Variants in ADCY2 observed in about 807,000 individuals in gnomAD.
ADCY2 encodes adenylate cyclase type 2.
A neutral mutation model predicts 125.2 loss-of-function variants in ADCY2; 31 were observed. The ratio of observed to expected loss-of-function variants is 0.25; its 90% CI spans 0.19 to 0.33. The LOEUF is 0.33. ADCY2 is among the 10% of genes least tolerant of loss of function. The pLI, the probability that ADCY2 is intolerant of heterozygous loss-of-function variation, is 1.00. For missense variants in ADCY2, 904 were observed against 1,418.2 expected, an observed-to-expected ratio of 0.64 and a Z score of 5.82; for synonymous variants, 512 against 548.4, an observed-to-expected ratio of 0.93 and a Z score of 0.93.
intron 4 of ADCY2, 142 bp downstream of exon 4, chr5:7,626,458 T>G (rs1044065885): frequency 1.1e-6 from 1 of 916,610 alleles, no homozygotes; most frequent in African/African-American, 1.7e-5. Context: ...ACCTGGGGAG[T>G]GTCTTAGTCT....
At chr5:7,498,387 T>A (rs1038145996) in intron 2 of ADCY2, among the ~76,000 whole-genome samples, 16 of 151,732 alleles carry the variant, frequency 1.1e-4, no homozygotes, top group Non-Finnish European at 4.4e-5. Flanking sequence ...TAGCTGGGAC[T>A]ACAGGCGCCC....
In ADCY2 at chr5:7,826,700, G is replaced by A. The variant is rs371389555; in HGVS notation, c.3124-19G>A. On this transcript the variant is annotated intron_variant, in intron 24 of 24. Coordinates refer to ENST00000338316, the MANE Select transcript of ADCY2 (RefSeq NM_020546.3). ...ATGTATGTACTAAGCCCGTTTTCCC[G>A]TGTTCCTGTGCCTTCTAGGTTACCG... is the stretch of plus-strand genomic sequence containing the variant. The A allele has an allele frequency of 1.9e-5, 31 of 1,613,580 alleles. No homozygotes were observed. The highest frequency in any genetic ancestry group is 6.7e-5 in the African/African-American group (5 of 74,820).
chr5:7,668,173 T>G (rs905754192), intron 4 of ADCY2, among the ~76,000 whole-genome samples: 1 of 152,236 alleles, frequency 6.6e-6, no homozygotes, highest in Non-Finnish European at 1.5e-5. Context: ...GGTCAAAGAC[T>G]AGATGTTTTT....
chr5:7,447,887 G>A (rs1245373446), intron 2 of ADCY2, among the ~76,000 whole-genome samples: 1 of 152,196 alleles, frequency 6.6e-6, no homozygotes, highest in Non-Finnish European at 1.5e-5. Flanking sequence ...GGGCTTACAA[G>A]GAGCAGGACC....
Position 7,816,853 on chromosome 5 carries a change from T to C in ADCY2, c.2884-13T>C, listed in dbSNP as rs773308255. 1.4e-5 allele frequency: 23 copies of C among 1,609,754 alleles called. No individual in the cohort carries two copies. The South Asian group carries it at 2.5e-4, about 18-fold the overall frequency. On this transcript the variant is annotated splice_polypyrimidine_tract_variant and intron_variant, in intron 22 of 24. Coordinates refer to ENST00000338316, the MANE Select transcript of ADCY2 (RefSeq NM_020546.3). Reference sequence around the variant, plus strand: ...GCTCTAACTTCCATCTGCCTGTGTGTGTTTGTTCTCAGGAGCCCGAGCGGC... The same window carrying C: ...GCTCTAACTTCCATCTGCCTGTGTGCGTTTGTTCTCAGGAGCCCGAGCGGC...
At chr5:7,634,253 G>A (rs963965645) in intron 4 of ADCY2, among the ~76,000 whole-genome samples, 2 of 152,206 alleles carry the variant, frequency 1.3e-5, no homozygotes, top group Non-Finnish European at 2.9e-5. Flanking sequence ...CACTAGTGAT[G>A]TGTTTACTGA....
At chr5:7,628,822 T>A (rs1035904) in intron 4 of ADCY2, among the ~76,000 whole-genome samples, 19,323 of 140,016 alleles carry the variant, frequency 0.14, 1,705 homozygotes, top group East Asian at 0.44. Flanking sequence ...TATCTTGGTT[T>A]AAAAAAAAAA....
intron 15 of ADCY2, chr5:7,746,164 C>G (rs1742617681): frequency 6.6e-6 from 1 of 152,420 alleles, no homozygotes; most frequent in Non-Finnish European, 1.5e-5. Flanking sequence ...CGTGGTATCA[C>G]AAAGGGAAGA....
chr5:7,583,564 T>A (rs747822793), intron 3 of ADCY2, among the ~76,000 whole-genome samples: 2 of 152,006 alleles, frequency 1.3e-5, no homozygotes, highest in Non-Finnish European at 2.9e-5. Context: ...GAGATAACAC[T>A]ACCCATATAT....
chr5:7,561,707 C>T (rs1735713298), intron 3 of ADCY2, among the ~76,000 whole-genome samples: 1 of 152,188 alleles, frequency 6.6e-6, no homozygotes, highest in African/African-American at 2.4e-5. Flanking sequence ...TTAGCTATTA[C>T]ACAAGTTATA....
chr5:7,709,079 A>G lies in ADCY2; in HGVS notation c.1402-132A>G. ...TGTTCCCCAGTAACACTGAAGGAAT[A>G]AGGACAGAAAACACAGAGGGCGAAT... On this transcript the variant is annotated intron_variant, in intron 9 of 24. Transcript: ENST00000338316. This position sits in a 1 kb window ranked among gnomAD's most constrained non-coding sequence, Gnocchi z 4.4. 1.2e-6 allele frequency: 1 copy of G among 853,994 alleles called. No homozygotes were observed. Among genetic ancestry groups the G allele is most frequent in the South Asian group, 4.0e-5 (1 of 24,906 alleles). The allele number at this position is 853,994 out of a possible 1,614,324, so 52.9% of individuals were successfully genotyped here.
intron 2 of ADCY2, among the ~76,000 whole-genome samples, chr5:7,509,661 C>T (rs1743983216): frequency 6.6e-6 from 1 of 152,144 alleles, no homozygotes; most frequent in Non-Finnish European, 1.5e-5. Flanking sequence ...CTTTTGAAGC[C>T]CTGGCTTTCC....
intron 3 of ADCY2, among the ~76,000 whole-genome samples, chr5:7,547,507 C>T (rs908951666): frequency 1.3e-5 from 2 of 152,122 alleles, no homozygotes; most frequent in African/African-American, 2.4e-5. Context: ...TCCGGGGAGA[C>T]CAGGACCTGC....
Position 7,776,354 on chromosome 5 carries a change from C to T in ADCY2, c.2384+3253C>T, listed in dbSNP as rs78553390. ...GAGCCCCTCTGTGCCATTGAAGTCA[C>T]GGCATTTTGTCCCATCCGTTTGGTG... On this transcript the variant is annotated intron_variant, in intron 18 of 24. Transcript: ENST00000338316. Among the ~76,000 whole-genome samples, 1,388 of 152,234 alleles carry T rather than the reference C, an allele frequency of 9.1e-3. 17 individuals carry two copies. Among genetic ancestry groups the T allele is most frequent in the African/African-American group, 0.032 (1,326 of 41,538 alleles).
At chr5:7,538,847 TTTC>T (rs1267650594) in intron 3 of ADCY2, among the ~76,000 whole-genome samples, 3 of 136,974 alleles carry the variant, frequency 2.2e-5, no homozygotes, top group Admixed American at 7.9e-5. Context: ...TTTTTCTTTT[TTTC>T]TTTTCTTTTC....
At chr5:7,427,526 C>G (rs1740429697) in intron 2 of ADCY2, among the ~76,000 whole-genome samples, 1 of 152,086 alleles carries the variant, frequency 6.6e-6, no homozygotes, top group Admixed American at 6.5e-5. Flanking sequence ...GGAAACTGCT[C>G]CCATGATCCA....
At chr5:7,667,196 T>C (rs530674925) in intron 4 of ADCY2, among the ~76,000 whole-genome samples, 1 of 151,946 alleles carries the variant, frequency 6.6e-6, no homozygotes, top group East Asian at 1.9e-4. Context: ...TCCACTTTCC[T>C]GATGAGGGAA....
intron 3 of ADCY2, among the ~76,000 whole-genome samples, chr5:7,553,161 C>T (rs115954799): frequency 7.6e-4 from 116 of 152,350 alleles, no homozygotes; most frequent in Admixed American, 2.2e-3. Flanking sequence ...GTTAGCATTT[C>T]AGTGTGAACC....
At chr5:7,598,812 G>A (rs1737100015) in intron 3 of ADCY2, among the ~76,000 whole-genome samples, 1 of 152,186 alleles carries the variant, frequency 6.6e-6, no homozygotes, top group South Asian at 2.1e-4. Flanking sequence ...CAGTGATTGT[G>A]GACACCTGCA....
Sources: gnomAD v4.1 joint callset for allele counts (sites outside exome capture counted in the v4.1 genomes callset) on GRCh38, gnomAD v4.1.1 for gene constraint, Gnocchi (gnomAD v3.1) non-coding constraint, MANE v1.5 for transcripts, NCBI Gene and HGNC (gene_info 2026-07-23, HGNC 2026-07-21) for gene names.